Variants in MSRA observed in about 807,000 individuals in gnomAD.
MSRA encodes methionine sulfoxide reductase A.
MSRA carries 54 observed loss-of-function variants against 31.3 expected under a neutral mutation model. That is an observed-to-expected ratio of 1.73 (90% CI 1.39 to 2.17). The LOEUF is 2.17. MSRA is among the 30% of genes most tolerant of loss of function. The pLI, the probability that MSRA is intolerant of heterozygous loss-of-function variation, is 0.00. For synonymous variants in MSRA, 169 were observed against 116.5 expected (o/e 1.45, Z -2.90); for missense variants, 507 against 300.9 (o/e 1.69, Z -5.07).
At chr8:10,368,458 T>A (rs548596818) in intron 5 of MSRA, among the ~76,000 whole-genome samples, 101 of 152,210 alleles carry the variant, frequency 6.6e-4, no homozygotes, top group Non-Finnish European at 1.1e-3. Context: ...GGGCTGTGAG[T>A]GTTGATCTGC....
At chr8:10,332,769 T>C (rs1229929472) in intron 5 of MSRA, among the ~76,000 whole-genome samples, 2 of 152,220 alleles carry the variant, frequency 1.3e-5, no homozygotes, top group Admixed American at 1.3e-4. Context: ...AATCTCTGTA[T>C]TACCCTTGGG....
chr8:10,178,187 C>A (rs1287031483), intron 1 of MSRA, among the ~76,000 whole-genome samples: 1 of 152,118 alleles, frequency 6.6e-6, no homozygotes, highest in Non-Finnish European at 1.5e-5. Context: ...TGTCCTTGAG[C>A]TAAGAGTGTG....
chr8:10,265,386 C>G (rs2129096415), intron 3 of MSRA, among the ~76,000 whole-genome samples: 1 of 152,268 alleles, frequency 6.6e-6, no homozygotes, highest in East Asian at 1.9e-4. Flanking sequence ...CTCTGGGGTG[C>G]TCACAAAGTG....
At chr8:10,287,446 TATC>T (rs564737848) in intron 3 of MSRA, among the ~76,000 whole-genome samples, 3 of 152,258 alleles carry the variant, frequency 2.0e-5, no homozygotes, top group Admixed American at 1.3e-4. Flanking sequence ...CAATCTAAGG[TATC>T]ATCATCATCC....
intron 2 of MSRA, among the ~76,000 whole-genome samples, chr8:10,219,023 A>C (rs1357673142): frequency 1.3e-5 from 2 of 152,026 alleles, no homozygotes; most frequent in African/African-American, 4.8e-5. Context: ...GCTGCAGTGC[A>C]GGTTTGAGTC....
At chr8:10,161,885 CTT>C (rs1349413168) in intron 1 of MSRA, among the ~76,000 whole-genome samples, 3 of 152,148 alleles carry the variant, frequency 2.0e-5, no homozygotes, top group African/African-American at 4.8e-5. Context: ...GCCTCTGACA[CTT>C]TGTCTTTAAA....
intron 1 of MSRA, among the ~76,000 whole-genome samples, chr8:10,160,747 C>G (rs1051873061): frequency 1.3e-5 from 2 of 151,666 alleles, no homozygotes; most frequent in Non-Finnish European, 2.9e-5. Context: ...CCAGGCAGAT[C>G]TTGAACTCCT....
At chr8:10,158,088 C>A (rs186101560) in intron 1 of MSRA, among the ~76,000 whole-genome samples, 3 of 152,164 alleles carry the variant, frequency 2.0e-5, no homozygotes, top group African/African-American at 7.2e-5. Context: ...CACCTTCTTA[C>A]GGTGTCCTCA....
rs78475147 is a variant in MSRA at position 10,099,517 on chromosome 8, C to T, written c.142+44859C>T. On this transcript the variant is annotated intron_variant, in intron 1 of 5. Transcript: ENST00000317173. ...ATTCCATGTAATCCAAGCAGCCATG[C>T]TGGGCGCAGGGACTGGTACACAATG... 3.1e-3 allele frequency among the ~76,000 whole-genome samples: 473 copies of T among 152,296 alleles called. 3 individuals carry two copies. The highest frequency in any genetic ancestry group is 0.011 in the African/African-American group (445 of 41,562).
chr8:10,330,425 TTG>T lies in MSRA; in HGVS notation c.543+10440_543+10441del, dbSNP rs1802629105. Among the ~76,000 whole-genome samples, 4 of 152,142 alleles carry T rather than the reference TTG, an allele frequency of 2.6e-5. No individual in the cohort carries two copies. In the South Asian group the frequency reaches 8.3e-4, roughly 32 times the overall value. ...CCAGCAAGAGGTATATACAGATCCT[TTG>T]TGTTTTCTTTTCAACATCTATAGGC... On this transcript the variant is annotated intron_variant, in intron 5 of 5. Transcript: ENST00000317173.
At chr8:10,141,952 A>G (rs1335778771) in intron 1 of MSRA, among the ~76,000 whole-genome samples, 2 of 152,232 alleles carry the variant, frequency 1.3e-5, no homozygotes, top group African/African-American at 4.8e-5. Flanking sequence ...CCCAATTTTC[A>G]GGATTTTTTT....
intron 5 of MSRA, among the ~76,000 whole-genome samples, chr8:10,395,160 C>T (rs1217360995): frequency 1.3e-5 from 2 of 152,042 alleles, no homozygotes; most frequent in Non-Finnish European, 2.9e-5. Context: ...TTTTGGTGGC[C>T]GGGGGGAAGA....
chr8:10,065,552 A>T (rs1797414225), intron 1 of MSRA, among the ~76,000 whole-genome samples: 2 of 152,188 alleles, frequency 1.3e-5, no homozygotes, highest in South Asian at 4.1e-4. Context: ...GACTTAAGCT[A>T]TGTGAATTTG....
At chr8:10,287,748 C>G (rs982580704) in intron 3 of MSRA, among the ~76,000 whole-genome samples, 2 of 152,124 alleles carry the variant, frequency 1.3e-5, no homozygotes, top group African/African-American at 4.8e-5. Flanking sequence ...GGATATCCTA[C>G]AGGTGTGAAG....
chr8:10,346,696 C>G (rs1389929613), intron 5 of MSRA, among the ~76,000 whole-genome samples: 1 of 152,186 alleles, frequency 6.6e-6, no homozygotes, highest in African/African-American at 2.4e-5. Flanking sequence ...TGCGGGGAAT[C>G]TTGTGTAATA....
chr8:10,057,165 G>C (rs1244814040), intron 1 of MSRA, among the ~76,000 whole-genome samples: 2 of 152,198 alleles, frequency 1.3e-5, no homozygotes, highest in Non-Finnish European at 2.9e-5. Context: ...CTACTTGGGT[G>C]AGTGGTGAAA....
intron 5 of MSRA, among the ~76,000 whole-genome samples, chr8:10,376,427 A>G (rs774689084): frequency 5.9e-5 from 9 of 152,202 alleles, no homozygotes; most frequent in Non-Finnish European, 1.0e-4. Flanking sequence ...TCTTAAGGTC[A>G]TGGGCTCTGC....
chr8:10,108,034 A>G (rs994712156), intron 1 of MSRA, among the ~76,000 whole-genome samples: 1 of 152,114 alleles, frequency 6.6e-6, no homozygotes, highest in Non-Finnish European at 1.5e-5. Context: ...TGGTGACAGA[A>G]TATAGGGGTC....
At chr8:10,368,790 T>G in intron 5 of MSRA, among the ~76,000 whole-genome samples, 1 of 152,276 alleles carries the variant, frequency 6.6e-6, no homozygotes, top group Admixed American at 6.5e-5. Flanking sequence ...TCATAGTGTT[T>G]GCTGCCCGCA....
Sources: allele counts gnomAD v4.1 joint callset (sites outside exome capture counted in the v4.1 genomes callset), GRCh38; gene constraint gnomAD v4.1.1; transcripts MANE v1.5; gene names NCBI Gene and HGNC (gene_info 2026-07-23, HGNC 2026-07-21).